Variants in HIF1A observed in about 807,000 individuals in gnomAD.
The protein encoded by HIF1A is hypoxia-inducible factor 1-alpha.
Under a neutral mutation model 92.7 loss-of-function variants are expected in HIF1A, and 24 were observed. The observed-to-expected ratio is 0.26, with a 90% CI of 0.19 to 0.36. HIF1A has a LOEUF of 0.36. HIF1A is among the 10% of genes least tolerant of loss of function. The pLI is 1.00. For missense variants in HIF1A, 799 were observed against 998.5 expected, an observed-to-expected ratio of 0.80 and a Z score of 2.69; for synonymous variants, 319 against 338.7, an observed-to-expected ratio of 0.94 and a Z score of 0.64.
At chr14:61,697,670 A>G in intron 1 of HIF1A, 1 of 1,219,742 alleles carries the variant, frequency 8.2e-7, no homozygotes, top group Non-Finnish European at 1.0e-6. Flanking sequence ...ATTTCTTAGT[A>G]TAGAAGTTCT....
intron 1 of HIF1A, among the ~76,000 whole-genome samples, chr14:61,704,528 CATTAA>C (rs770051131): frequency 3.9e-5 from 6 of 152,166 alleles, no homozygotes; most frequent in African/African-American, 7.2e-5. Flanking sequence ...TCCAGAATCT[CATTAA>C]ATGTCTTTTA....
intron 1 of HIF1A, among the ~76,000 whole-genome samples, chr14:61,708,323 C>A: frequency 6.6e-6 from 1 of 152,162 alleles, no homozygotes; most frequent in Non-Finnish European, 1.5e-5. Flanking sequence ...TCCTATTTGT[C>A]AATTTTGGCT....
chr14:61,740,664 A>G, intron 11 of HIF1A, 37 bp downstream of exon 11: 2 of 1,553,734 alleles, frequency 1.3e-6, no homozygotes, highest in Non-Finnish European at 1.7e-6. Context: ...AAATTTCATT[A>G]ATTTTTAGTC....
intron 1 of HIF1A, among the ~76,000 whole-genome samples, chr14:61,706,991 G>A (rs376433576): frequency 4.5e-4 from 69 of 152,308 alleles, no homozygotes; most frequent in African/African-American, 1.7e-3. Flanking sequence ...TAATTACTAA[G>A]TTCTAAGTAT....
intron 8 of HIF1A, among the ~76,000 whole-genome samples, chr14:61,736,642 T>C (rs1411102968): frequency 1.3e-5 from 2 of 152,238 alleles, no homozygotes; most frequent in Non-Finnish European, 2.9e-5. Flanking sequence ...TCCATGTTGC[T>C]GCAAAGGACA....
At chr14:61,706,196 G>A (rs527422160) in intron 1 of HIF1A, among the ~76,000 whole-genome samples, 2 of 152,242 alleles carry the variant, frequency 1.3e-5, no homozygotes, top group East Asian at 3.9e-4. Flanking sequence ...TGATAGAGTA[G>A]GTAATTTGGG....
intron 13 of HIF1A, 95 bp downstream of exon 13, chr14:61,744,908 C>G: frequency 1.9e-6 from 1 of 536,952 alleles, no homozygotes; most frequent in Non-Finnish European, 3.3e-6. Flanking sequence ...CACGTTTCTT[C>G]CAAATAGTAA....
Position 61,745,692 on chromosome 14 carries a change from G to A in HIF1A, c.2204G>A (p.Gly735Glu), listed in dbSNP as rs753037065. Residue 735 changes from glycine (G) to glutamate (E), a missense_variant and splice_region_variant, in exon 14 of 15, where the codon GGA becomes GAA. Physicochemically the swap from Gly to Glu is moderately conservative, Grantham distance 98. This residue lies in a region of HIF1A where 283 missense variants were observed against 277.5 expected (regional missense o/e 1.02). Coordinates refer to ENST00000337138, the MANE Select transcript of HIF1A (RefSeq NM_001530.4). ...TTGAAATAACTTTACTGTTTATAGG[G>A]AACATTATTACAGCAGCCAGACGAT... ...DGSLFQAVGI[G>E]TLLQQPDDHA... is the part of the protein sequence containing the mutation. 4 of 1,612,748 alleles carry A rather than the reference G, an allele frequency of 2.5e-6. No individual in the cohort carries two copies. In the South Asian group the frequency reaches 4.4e-5, roughly 18 times the overall value.
At chr14:61,733,225 A>G (rs1204528197) in intron 7 of HIF1A, among the ~76,000 whole-genome samples, 1 of 152,210 alleles carries the variant, frequency 6.6e-6, no homozygotes, top group Non-Finnish European at 1.5e-5. Context: ...AGCTGGGATT[A>G]TAAGCATGTA....
intron 7 of HIF1A, among the ~76,000 whole-genome samples, chr14:61,733,848 C>A (rs2044605024): frequency 6.6e-6 from 1 of 152,042 alleles, no homozygotes; most frequent in Non-Finnish European, 1.5e-5. Flanking sequence ...TAATCTGACA[C>A]CAACCTAAGT....
intron 8 of HIF1A, among the ~76,000 whole-genome samples, chr14:61,735,277 T>G (rs769612356): frequency 1.3e-5 from 2 of 152,202 alleles, no homozygotes; most frequent in African/African-American, 2.4e-5. Flanking sequence ...AGCCTTCCCT[T>G]TAAAATCTAG....
At chr14:61,715,834 A>G (rs2044357581) in intron 1 of HIF1A, 1 of 152,178 alleles carries the variant, frequency 6.6e-6, no homozygotes, top group Non-Finnish European at 1.5e-5. Flanking sequence ...CGTCTCTGCA[A>G]AAAATTTAAC....
At chr14:61,720,290 TGATAAGCA>T in intron 1 of HIF1A, 84 bp from the exon 2 acceptor site, 1 of 842,356 alleles carries the variant, frequency 1.2e-6, no homozygotes. Context: ...AATCCTTCTG[TGATAAGCA>T]GAAATGTAAA....
chr14:61,724,380 T>TCCCC (rs1555338419), intron 4 of HIF1A, among the ~76,000 whole-genome samples: 1 of 139,622 alleles, frequency 7.2e-6, no homozygotes, highest in African/African-American at 2.8e-5. Flanking sequence ...TCTCTCTCTC[T>TCCCC]CCCCCTCCCT....
chr14:61,706,176 G>T (rs1289371925), intron 1 of HIF1A, among the ~76,000 whole-genome samples: 1 of 152,168 alleles, frequency 6.6e-6, no homozygotes, highest in Non-Finnish European at 1.5e-5. Context: ...GCAATGCAGA[G>T]AAAGAAGAGT....
rs71117851 is a variant in HIF1A at position 61,742,907 on chromosome 14, A to AAAAAAAG, written c.2093+1719_2093+1720insAAAAAAG. 3.3e-3 allele frequency among the ~76,000 whole-genome samples: 346 copies of AAAAAAAG among 105,934 alleles called. 55 individuals are homozygous for AAAAAAAG. The highest frequency in any genetic ancestry group is 9.0e-3 in the South Asian group (29 of 3,218). 69.5% of individuals were successfully genotyped at this position (105,934 alleles called of 152,430 possible). A position where few individuals can be genotyped will look rare whatever the true frequency, so the allele number is the denominator to read the frequency against. On this transcript the variant is annotated intron_variant, in intron 12 of 14. Transcript: ENST00000337138. ...TTTCAAAAAAAAAAAAAAAAAAAAA[A>AAAAAAAG]GTTGTTGGACTGACAGATGCATGAA...
At chr14:61,728,038 TACTC>T (rs2044528979) in intron 6 of HIF1A, among the ~76,000 whole-genome samples, 1 of 149,120 alleles carries the variant, frequency 6.7e-6, no homozygotes, top group Non-Finnish European at 1.5e-5. Context: ...AAAAAAAAAT[TACTC>T]AATGTTAAAC....
intron 12 of HIF1A, among the ~76,000 whole-genome samples, chr14:61,744,179 T>C (rs2044747677): frequency 6.6e-6 from 1 of 152,194 alleles, no homozygotes; most frequent in Admixed American, 6.5e-5. Flanking sequence ...AATTTAGTTG[T>C]GTTCAGCTCT....
intron 8 of HIF1A, among the ~76,000 whole-genome samples, chr14:61,735,930 A>C (rs2044631072): frequency 6.6e-6 from 1 of 152,016 alleles, no homozygotes; most frequent in African/African-American, 2.4e-5. Context: ...TCTTTCATGT[A>C]CTTGACTACA....
Sources: gnomAD v4.1 joint callset for allele counts (sites outside exome capture counted in the v4.1 genomes callset) on GRCh38, gnomAD v4.1.1 for gene constraint, gnomAD v4.1.1 regional missense constraint, MANE v1.5 for transcripts, NCBI Gene and HGNC (gene_info 2026-07-23, HGNC 2026-07-21) for gene names.